The following ASMTL variants were observed in gnomAD, a reference collection of about 807,000 sequenced individuals.
ASMTL encodes probable bifunctional dTTP/UTP pyrophosphatase/methyltransferase protein.
In ASMTL, 57 loss-of-function variants were observed where a neutral mutation model predicts 60.3. The ratio of observed to expected loss-of-function variants is 0.95; its 90% CI spans 0.76 to 1.18. The LOEUF (loss-of-function observed/expected upper bound fraction) is 1.18. ASMTL is among the 50% of genes most tolerant of loss of function. The pLI is 0.00. For missense variants in ASMTL, 981 were observed against 852.6 expected (o/e 1.15, Z -1.88); for synonymous variants, 419 against 373.0 (o/e 1.12, Z -1.42).
chrX:1,426,147 C>T (rs1251407792), intron 7 of ASMTL, among the ~76,000 whole-genome samples: 2 of 152,024 alleles, frequency 1.3e-5, no homozygotes. Flanking sequence ...TGTGAGGACA[C>T]AGGGAGAAGA....
At chrX:1,421,871 T>A (rs2090494161) in intron 8 of ASMTL, 29 bp from the exon 9 acceptor site, 1 of 1,609,746 alleles carries the variant, frequency 6.2e-7, no homozygotes, top group African/African-American at 1.3e-5. Context: ...TCGTGTGACC[T>A]CCTAACGAGA....
At chrX:1,418,176 C>T in intron 10 of ASMTL, 60 bp from the exon 11 acceptor site, 25 of 1,516,822 alleles carry the variant, frequency 1.6e-5, no homozygotes, top group Non-Finnish European at 2.0e-5. Context: ...TGACGACTCT[C>T]CAAAGCTCAA....
rs756437483 is a variant in ASMTL, at chrX:1,411,806, CTTTT to C, written c.1645+922_1645+925del. ...AAATATATTTTCTCTTTAGGATTTTCTTTTTTTTTTTTTTTTTTTTTTTTGAGAT... is the reference window on the plus strand; with the variant it reads ...AAATATATTTTCTCTTTAGGATTTTCTTTTTTTTTTTTTTTTTTTTGAGAT... On this transcript the variant is annotated intron_variant, in intron 12 of 12. Transcript: ENST00000381317. 6.7e-3 allele frequency among the ~76,000 whole-genome samples: 579 copies of C among 86,150 alleles called. 4 individuals are homozygous for C. Among genetic ancestry groups the C allele is most frequent in the African/African-American group, 0.027 (542 of 20,376 alleles). 56.5% of individuals were successfully genotyped at this position (86,150 alleles called of 152,430 possible).
chrX:1,412,954 AGAG>A, intron 11 of ASMTL, 100 bp from the exon 12 acceptor site: 1 of 1,333,928 alleles, frequency 7.5e-7, no homozygotes, highest in South Asian at 1.2e-5. Flanking sequence ...AATCAGGGAC[AGAG>A]AAGAGAGGGG....
chrX:1,416,150 C>T (rs1466127683), intron 11 of ASMTL, among the ~76,000 whole-genome samples: 1 of 151,358 alleles, frequency 6.6e-6, no homozygotes, highest in Non-Finnish European at 1.5e-5. Flanking sequence ...CAGATGGGCA[C>T]ACACACATGG....
rs191564375 is a variant in ASMTL, at chrX:1,404,358, G to C, written c.1646-869C>G. 4.5e-3 allele frequency among the ~76,000 whole-genome samples: 682 copies of C among 151,254 alleles called. 6 individuals carry two copies. Among genetic ancestry groups the C allele is most frequent in the African/African-American group, 0.016 (646 of 41,138 alleles). ...GATGGATAGATGAATGCATGGATGA[G>C]ATGGATGGGTGAATAGATGGTAGAT... is the stretch of plus-strand genomic sequence containing the variant. On this transcript the variant is annotated intron_variant, in intron 12 of 12. Coordinates refer to ENST00000381317, the MANE Select transcript of ASMTL (RefSeq NM_004192.4).
intron 12 of ASMTL, among the ~76,000 whole-genome samples, chrX:1,411,335 C>G (rs28538029): frequency 0.66 from 100,428 of 152,014 alleles, 33,627 homozygotes; most frequent in African/African-American, 0.75. Context: ...AGATAATTAA[C>G]CGTTGTCTGC....
At position 1,438,232 on chromosome X, in the gene ASMTL, G is replaced by A. The variant is rs192087117; in HGVS notation, c.273+865C>T. Reference sequence around the variant, plus strand: ...CGGGAGGCGGAGGTCCCGGTGAGCCGAGATCACGCCACTGTAATCCAGCCT... The same window carrying A: ...CGGGAGGCGGAGGTCCCGGTGAGCCAAGATCACGCCACTGTAATCCAGCCT... On this transcript the variant is annotated intron_variant, in intron 3 of 12. Transcript: ENST00000381317. Among the ~76,000 whole-genome samples, 420 of 151,898 alleles carry A rather than the reference G, an allele frequency of 2.8e-3. 2 individuals carry two copies. Among genetic ancestry groups the A allele is most frequent in the Middle Eastern group, 0.017 (5 of 294 alleles).
At chrX:1,433,666 C>T (rs1375323737) in intron 5 of ASMTL, among the ~76,000 whole-genome samples, 11 of 151,062 alleles carry the variant, frequency 7.3e-5, no homozygotes, top group Non-Finnish European at 1.2e-4. Flanking sequence ...GGCGATAAAG[C>T]GAGACTCTGT....
chrX:1,438,209 G>A (rs1260020392), intron 3 of ASMTL, among the ~76,000 whole-genome samples: 1 of 152,014 alleles, frequency 6.6e-6, no homozygotes, highest in Non-Finnish European at 1.5e-5. Context: ...CTTGAACCCG[G>A]GAGGCGGAGG....
At chrX:1,449,796 G>A (rs1478775773) in intron 1 of ASMTL, among the ~76,000 whole-genome samples, 1 of 127,708 alleles carries the variant, frequency 7.8e-6, no homozygotes, top group African/African-American at 3.3e-5. Context: ...CCCATCACCA[G>A]TAACTATCTC....
chrX:1,445,845 G>A (rs1229681810), intron 1 of ASMTL, among the ~76,000 whole-genome samples: 5 of 152,080 alleles, frequency 3.3e-5, no homozygotes, highest in African/African-American at 1.2e-4. Flanking sequence ...GGAGCTGAGG[G>A]GACATGGTGA....
intron 3 of ASMTL, among the ~76,000 whole-genome samples, chrX:1,437,496 AG>A (rs1363612185): frequency 6.6e-6 from 1 of 151,852 alleles, no homozygotes; most frequent in Non-Finnish European, 1.5e-5. Flanking sequence ...GTGTCCTCAC[AG>A]GGTCGTCCCT....
intron 11 of ASMTL, chrX:1,414,054 A>T (rs2090143459): frequency 2.0e-5 from 3 of 151,488 alleles, no homozygotes; most frequent in Non-Finnish European, 4.4e-5. Context: ...ATCATCCTGG[A>T]GTAGGGTGGG....
intron 2 of ASMTL, among the ~76,000 whole-genome samples, chrX:1,441,202 CAT>C (rs1344641109): frequency 1.3e-5 from 2 of 152,062 alleles, no homozygotes; most frequent in Non-Finnish European, 2.9e-5. Context: ...TATTATAACA[CAT>C]AGTAATAGAT....
chrX:1,433,477 ACC>A (rs2090867602), intron 5 of ASMTL, among the ~76,000 whole-genome samples: 1 of 140,732 alleles, frequency 7.1e-6, no homozygotes, highest in African/African-American at 2.6e-5. Flanking sequence ...CCTCCTGGCT[ACC>A]ACGGTGAAAC....
chrX:1,403,635 G>A, intron 12 of ASMTL, 146 bp from the exon 13 acceptor site: 1 of 677,442 alleles, frequency 1.5e-6, no homozygotes, highest in Non-Finnish European at 2.6e-6. Context: ...ACACAGGTAG[G>A]GGAGGGGAGA....
At position 1,452,777 on chromosome X, in the gene ASMTL, G is replaced by A; in HGVS notation, c.64C>T (p.Pro22Ser). Reference protein sequence around the residue: ...HKRVVLASASPRRQEILSNAG... With the variant: ...HKRVVLASASSRRQEILSNAG... Reference sequence around the variant, plus strand: ...TTGCTGAGGATCTCCTGACGGCGTGGGGAGGCGCTGGCCAGCACCACGCGC... The same window carrying A: ...TTGCTGAGGATCTCCTGACGGCGTGAGGAGGCGCTGGCCAGCACCACGCGC... Residue 22 changes from proline (P) to serine (S), a missense_variant, in exon 1 of 13, where the codon CCA becomes TCA. By Grantham distance (74) the Pro-to-Ser change is moderately conservative (BLOSUM62 -1). Transcript: ENST00000381317. 6.3e-7 allele frequency: 1 copy of A among 1,596,634 alleles called. No individual in the cohort carries two copies. Among genetic ancestry groups the A allele is most frequent in the Non-Finnish European group, 8.5e-7 (1 of 1,177,284 alleles).
chrX:1,434,843 T>C (rs1321400108), intron 5 of ASMTL, 179 bp downstream of exon 5: 1 of 164,916 alleles, frequency 6.1e-6, no homozygotes, highest in Non-Finnish European at 1.2e-5. Context: ...ACCACACGTT[T>C]TCCTTTGTCC....
Sources: allele counts gnomAD v4.1 joint callset (sites outside exome capture counted in the v4.1 genomes callset), GRCh38; gene constraint gnomAD v4.1.1; transcripts MANE v1.5; gene names NCBI Gene and HGNC (gene_info 2026-07-23, HGNC 2026-07-21).